The following GRIA3 variants were observed in gnomAD, a reference collection of about 807,000 sequenced individuals.
GRIA3 encodes glutamate receptor 3.
A neutral mutation model predicts 63.0 loss-of-function variants in GRIA3; 3 were observed. The ratio of observed to expected loss-of-function variants is 0.05; its 90% CI spans 0.02 to 0.12. The LOEUF (loss-of-function observed/expected upper bound fraction) is 0.12. GRIA3 is among the 10% of genes least tolerant of loss of function. The pLI, the probability that GRIA3 is intolerant of heterozygous loss-of-function variation, is 1.00. For missense variants in GRIA3, 347 were observed against 700.9 expected (o/e 0.50, Z 5.70); for synonymous variants, 274 against 257.9 (o/e 1.06, Z -0.60).
At chrX:123,462,664 G>GC (rs943801856) in intron 12 of GRIA3, among the ~76,000 whole-genome samples, 2 of 111,180 alleles carry the variant, frequency 1.8e-5, no homozygotes, top group Admixed American at 9.5e-5. Context: ...GGAAGTTCCA[G>GC]CCCCCCCTGG....
chrX:123,326,383 A>G lies in GRIA3; in HGVS notation c.696+170A>G, dbSNP rs11796015. On this transcript the variant is annotated intron_variant, in intron 4 of 15. Coordinates refer to ENST00000620443, the MANE Select transcript of GRIA3 (RefSeq NM_007325.5). ...CAGTGGCTGCAGAAAAAAAAAAAAA[A>G]AAAGAAAGAAAGAAAAGAGAAGAAA... 0.15 allele frequency among the ~76,000 whole-genome samples: 15,904 copies of G among 109,013 alleles called. 1,172 individuals carry two copies. Among genetic ancestry groups the G allele is most frequent in the Non-Finnish European group, 0.22 (11,450 of 52,282 alleles). 94.7% of individuals were successfully genotyped at this position (109,013 alleles called of 115,157 possible). A position where few individuals can be genotyped will look rare whatever the true frequency, so the allele number is the denominator to read the frequency against.
intron 3 of GRIA3, among the ~76,000 whole-genome samples, chrX:123,311,489 G>T (rs746754278): frequency 3.6e-5 from 4 of 112,200 alleles, no homozygotes; most frequent in Non-Finnish European, 1.9e-5. Context: ...GCAGTGGAAG[G>T]CTCCAAGATA....
At chrX:123,312,102 G>A (rs2043275840) in intron 3 of GRIA3, among the ~76,000 whole-genome samples, 2 of 111,913 alleles carry the variant, frequency 1.8e-5, no homozygotes, top group East Asian at 2.8e-4. Context: ...GACAATAAAT[G>A]TTCATTTCTA....
chrX:123,373,942 C>G (rs2045266965), intron 5 of GRIA3, among the ~76,000 whole-genome samples: 1 of 111,664 alleles, frequency 9.0e-6, no homozygotes, highest in Non-Finnish European at 1.9e-5. Context: ...TGCCTATGTC[C>G]TTAATGGTAT....
rs148641725 is a variant in GRIA3, at chrX:123,427,583, T to C, written c.1878-358T>C. On this transcript the variant is annotated intron_variant, in intron 11 of 15. Coordinates refer to ENST00000620443, the MANE Select transcript of GRIA3 (RefSeq NM_007325.5). ...AGGAAAAATCCTGCTAGGAGTGCAC[T>C]TGTAGTCCCAGCTATTCAGGAGGCT... 5.6e-4 allele frequency among the ~76,000 whole-genome samples: 63 copies of C among 111,506 alleles called. No homozygotes were observed. In the East Asian group the frequency reaches 0.015, roughly 27 times the overall value.
chrX:123,431,027 T>TACAC (rs3050442), intron 12 of GRIA3, among the ~76,000 whole-genome samples: 1,817 of 99,433 alleles, frequency 0.018, 31 homozygotes, highest in African/African-American at 0.053. Flanking sequence ...GTAACTCACA[T>TACAC]ACACACACAC....
chrX:123,330,989 T>A (rs2044938267), intron 4 of GRIA3, among the ~76,000 whole-genome samples: 1 of 112,167 alleles, frequency 8.9e-6, no homozygotes, highest in Non-Finnish European at 1.9e-5. Context: ...TTTTCTAATT[T>A]GTCTATTCAT....
intron 2 of GRIA3, among the ~76,000 whole-genome samples, chrX:123,217,083 T>C (rs1256271637): frequency 2.7e-5 from 3 of 111,644 alleles, no homozygotes; most frequent in African/African-American, 6.5e-5. Flanking sequence ...CCCCCGGTAG[T>C]GTTCAGATCT....
chrX:123,484,902 G>A (rs1458759901), intron 15 of GRIA3, among the ~76,000 whole-genome samples: 2 of 112,708 alleles, frequency 1.8e-5, no homozygotes, highest in African/African-American at 6.4e-5. Flanking sequence ...ATTTTGTCCA[G>A]TGAAGTTGCT....
intron 3 of GRIA3, among the ~76,000 whole-genome samples, chrX:123,267,494 T>C (rs1299729695): frequency 8.9e-6 from 1 of 112,166 alleles, no homozygotes; most frequent in African/African-American, 3.2e-5. Context: ...AATGTAGATA[T>C]AACGCTATTT....
intron 3 of GRIA3, among the ~76,000 whole-genome samples, chrX:123,296,220 CAAGGTCGATATA>C (rs2044684681): frequency 9.0e-6 from 1 of 110,995 alleles, no homozygotes; most frequent in Non-Finnish European, 1.9e-5. Context: ...GGTCCCACAA[CAAGGTCGATATA>C]AAGGACAGAC....
intron 3 of GRIA3, among the ~76,000 whole-genome samples, chrX:123,272,631 T>C (rs1266259422): frequency 1.8e-5 from 2 of 111,954 alleles, no homozygotes; most frequent in African/African-American, 3.2e-5. Context: ...AGTGCACATT[T>C]AGACTGGGAA....
chrX:123,365,272 G>T (rs1318653166), intron 5 of GRIA3, among the ~76,000 whole-genome samples: 1 of 111,193 alleles, frequency 9.0e-6, no homozygotes, highest in Non-Finnish European at 1.9e-5. Context: ...AAAAAAGAAA[G>T]AAAGGAAAGA....
intron 12 of GRIA3, among the ~76,000 whole-genome samples, chrX:123,430,639 T>C (rs1413367728): frequency 1.8e-5 from 2 of 110,723 alleles, no homozygotes; most frequent in Non-Finnish European, 3.8e-5. Flanking sequence ...GCCACAGTCA[T>C]GTCACTTCCC....
intron 10 of GRIA3, among the ~76,000 whole-genome samples, chrX:123,408,827 A>C (rs1211224434): frequency 1.8e-5 from 2 of 112,353 alleles, no homozygotes; most frequent in Non-Finnish European, 3.8e-5. Flanking sequence ...CCATCGGAGA[A>C]GACTGCCAAA....
rs1201450605 is a variant in GRIA3, at chrX:123,184,325, AGAGT to A, written c.-210_-207del. 4.1e-4 allele frequency: 180 copies of A among 434,255 alleles called. No homozygotes were observed. Among genetic ancestry groups the A allele is most frequent in the African/African-American group, 3.9e-3 (151 of 39,033 alleles). The allele number at this position is 434,255 out of a possible 1,213,427, so 35.8% of individuals were successfully genotyped here. A position where few individuals can be genotyped will look rare whatever the true frequency, so the allele number is the denominator to read the frequency against. Reference sequence around the variant, plus strand: ...GAGAGAGAGCGAGCGAATAAGAGAGAGAGTAAGAGGGAGAGAGAAGAAGAGGAAG... The same window carrying A: ...GAGAGAGAGCGAGCGAATAAGAGAGAAAGAGGGAGAGAGAAGAAGAGGAAG... On this transcript the variant is annotated 5_prime_UTR_variant, in exon 1 of 16. Coordinates refer to ENST00000620443, the MANE Select transcript of GRIA3 (RefSeq NM_007325.5).
chrX:123,402,389 G>A (rs867748440), intron 7 of GRIA3, among the ~76,000 whole-genome samples: 1 of 60,314 alleles, frequency 1.7e-5, no homozygotes, highest in Non-Finnish European at 3.2e-5. Context: ...GTTTATATGT[G>A]TGTGTGTATA....
chrX:123,354,021 C>G (rs1261083611), intron 4 of GRIA3, among the ~76,000 whole-genome samples: 1 of 111,934 alleles, frequency 8.9e-6, no homozygotes, highest in Non-Finnish European at 1.9e-5. Context: ...TAAAAATGTA[C>G]TTCGTGAACT....
At chrX:123,263,032 A>T (rs1192621784) in intron 3 of GRIA3, among the ~76,000 whole-genome samples, 1 of 112,269 alleles carries the variant, frequency 8.9e-6, no homozygotes, top group African/African-American at 3.2e-5. Flanking sequence ...GAAAATAGGC[A>T]GTAAACAAAG....
Sources: gnomAD v4.1 joint callset for allele counts (sites outside exome capture counted in the v4.1 genomes callset) on GRCh38, gnomAD v4.1.1 for gene constraint, MANE v1.5 for transcripts, NCBI Gene and HGNC (gene_info 2026-07-23, HGNC 2026-07-21) for gene names.